Variants in SEC14L4 observed in about 807,000 individuals in gnomAD.
The protein encoded by SEC14L4 is SEC14-like protein 4.
In SEC14L4, 42 loss-of-function variants were observed where a neutral mutation model predicts 55.1. The ratio of observed to expected loss-of-function variants is 0.76; its 90% CI spans 0.60 to 0.99. SEC14L4 has a LOEUF of 0.99. Ranked by LOEUF, SEC14L4 falls within the 50% of genes least tolerant of loss-of-function variation. The pLI is 0.00. For synonymous variants in SEC14L4, 206 were observed against 206.8 expected (o/e 1.00, Z 0.03); for missense variants, 445 against 512.1 (o/e 0.87, Z 1.27).
intron 2 of SEC14L4, among the ~76,000 whole-genome samples, chr22:30,496,271 C>T (rs1936148381): frequency 6.7e-6 from 1 of 150,012 alleles, no homozygotes; most frequent in Admixed American, 6.7e-5. Context: ...CACCACCATG[C>T]CTGGCTAATT....
At chr22:30,501,709 A>T (rs1191050685) in intron 2 of SEC14L4, among the ~76,000 whole-genome samples, 1 of 152,012 alleles carries the variant, frequency 6.6e-6, no homozygotes, top group Non-Finnish European at 1.5e-5. Flanking sequence ...CATCATCATC[A>T]TAAGAAGAAG....
intron 1 of SEC14L4, 128 bp downstream of exon 1, chr22:30,505,429 AG>A: frequency 2.1e-6 from 2 of 954,210 alleles, no homozygotes; most frequent in Non-Finnish European, 3.2e-6. Flanking sequence ...GCTGGACCAG[AG>A]GGCAGAACAG....
intron 2 of SEC14L4, among the ~76,000 whole-genome samples, chr22:30,498,896 T>C (rs1040985218): frequency 6.6e-6 from 1 of 152,334 alleles, no homozygotes; most frequent in African/African-American, 2.4e-5. Context: ...GAACTATTCT[T>C]GCACACCTAA....
chr22:30,501,076 A>G (rs1936305703), intron 2 of SEC14L4, among the ~76,000 whole-genome samples: 1 of 152,094 alleles, frequency 6.6e-6, no homozygotes, highest in Non-Finnish European at 1.5e-5. Context: ...AAAACAAAGG[A>G]AAAGAACTTC....
chr22:30,492,789 A>C (rs1936007418), intron 7 of SEC14L4: 2 of 475,898 alleles, frequency 4.2e-6, no homozygotes, highest in Non-Finnish European at 7.6e-6. Flanking sequence ...GCTTTCAATA[A>C]ATGGTTGTCT....
intron 1 of SEC14L4, 112 bp downstream of exon 1, chr22:30,505,446 C>T (rs1383320241): frequency 8.8e-7 from 1 of 1,140,500 alleles, no homozygotes. Context: ...AACAGAGGCG[C>T]TCTCTCCAGG....
chr22:30,495,503 C>A, intron 4 of SEC14L4, 61 bp from the exon 5 acceptor site: 1 of 1,608,520 alleles, frequency 6.2e-7, no homozygotes, highest in South Asian at 1.1e-5. Flanking sequence ...CCTACTCCAT[C>A]AGGTGGCTGG....
At chr22:30,492,810 G>T in intron 7 of SEC14L4, 3 of 425,808 alleles carry the variant, frequency 7.0e-6, no homozygotes, top group Non-Finnish European at 1.3e-5. Context: ...CAGGCCAGGC[G>T]CAGTGGCTCA....
intron 11 of SEC14L4, 43 bp downstream of exon 11, chr22:30,491,530 G>C (rs376924335): frequency 6.2e-7 from 1 of 1,610,014 alleles, no homozygotes; most frequent in Non-Finnish European, 8.5e-7. Context: ...GCAGAGGGGA[G>C]ACTGGCAGGG....
In SEC14L4 at chr22:30,495,330, G is replaced by A. The variant is rs1255327014; in HGVS notation, c.347C>T (p.Ser116Phe). The A allele has an allele frequency of 1.1e-5, 17 of 1,614,062 alleles. No homozygotes were observed. The highest frequency in any genetic ancestry group is 1.4e-5 in the Non-Finnish European group (16 of 1,179,990). The part of the protein sequence containing the change: ...LDPKGLLLSA[S>F]KQDMIRKRIK... ...GCGCTTCCGGATCATATCCTGCTTG[G>A]AGGCTGACAGCAGGAGACCCTTGGG... The change falls in exon 5 of 12, where the codon TCC becomes TTC. Residue 116 changes from serine (S) to phenylalanine (F), a missense_variant. By Grantham distance (155) the Ser-to-Phe change is radical. Coordinates refer to ENST00000255858, the MANE Select transcript of SEC14L4 (RefSeq NM_174977.4).
Position 30,503,659 on chromosome 22 carries a change from G to A in SEC14L4, c.130+18C>T, listed in dbSNP as rs1936401742. 1 of 1,584,754 alleles carries A rather than the reference G, an allele frequency of 6.3e-7. No homozygotes were observed. Among genetic ancestry groups the A allele is most frequent in the African/African-American group, 1.3e-5 (1 of 74,316 alleles). On this transcript the variant is annotated intron_variant, in intron 2 of 11. Transcript: ENST00000255858. ...CCTTCCCTCCCTTTCTGCGTCCCCT[G>A]ACCCCTGCAAGCCTCACCTCGCAGC...
chr22:30,505,185 C>G (rs897812543), intron 1 of SEC14L4, among the ~76,000 whole-genome samples: 8 of 150,560 alleles, frequency 5.3e-5, no homozygotes, highest in Non-Finnish European at 1.0e-4. Context: ...GAACAAATCA[C>G]AAAGAGAAGC....
rs757058239 is a variant in SEC14L4, at chr22:30,490,117, G to T, written c.1211C>A (p.Pro404Gln). The change falls in exon 12 of 12, where the codon CCA becomes CAA. Residue 404 changes from proline to glutamine, a missense_variant. Physicochemically the swap from Pro to Gln is moderately conservative, Grantham distance 76. Transcript: ENST00000255858. ...LQSLKAMRPS[P>Q]TQ ...AGGTGGCTGGGGTCTTCACTGTGTT[G>T]GGGAGGGTCTCATCGCCTTGAGACT... The T allele has an allele frequency of 1.2e-6, 2 of 1,613,990 alleles. No homozygotes were observed. The highest frequency in any genetic ancestry group is 2.2e-5 in the South Asian group (2 of 91,050).
chr22:30,501,854 T>G (rs980508531), intron 2 of SEC14L4, among the ~76,000 whole-genome samples: 1 of 137,974 alleles, frequency 7.2e-6, no homozygotes, highest in African/African-American at 2.8e-5. Context: ...CACATATATA[T>G]ATATATATAT....
chr22:30,501,084 T>G (rs2146198024), intron 2 of SEC14L4, among the ~76,000 whole-genome samples: 1 of 152,092 alleles, frequency 6.6e-6, no homozygotes, highest in African/African-American at 2.4e-5. Context: ...GGAAAAGAAC[T>G]TCAGAAGGAG....
Position 30,505,596 on chromosome 22 carries a change from C to T in SEC14L4, c.16G>A (p.Gly6Arg), listed in dbSNP as rs776435869. The T allele has an allele frequency of 1.8e-5, 28 of 1,566,978 alleles. 1 individual carries two copies. The South Asian group carries it at 3.0e-4, about 17-fold the overall frequency. MSSRV[G>R]DLSPQQQEAL... ...TCCTGCTGCTGGGGGCTCAGGTCCCCGACTCGGCTGCTCATGGTGCCCGCG... is the reference window on the plus strand; with the variant it reads ...TCCTGCTGCTGGGGGCTCAGGTCCCTGACTCGGCTGCTCATGGTGCCCGCG... Residue 6 changes from glycine (G) to arginine (R), a missense_variant, in exon 1 of 12, where the codon GGG (glycine) becomes AGG (arginine). By Grantham distance (125) the Gly-to-Arg change is moderately radical. Transcript: ENST00000255858.
chr22:30,495,709 G>A (rs761748680), intron 3 of SEC14L4, 67 bp from the exon 4 acceptor site: 8 of 1,612,036 alleles, frequency 5.0e-6, no homozygotes, highest in East Asian at 2.2e-5. Flanking sequence ...AGGTCCCTCT[G>A]CCCACAGCCA....
chr22:30,496,914 G>T (rs185497084), intron 2 of SEC14L4, among the ~76,000 whole-genome samples: 4 of 152,264 alleles, frequency 2.6e-5, no homozygotes, highest in African/African-American at 9.6e-5. Flanking sequence ...GTTGCTCTCT[G>T]AGACCCCTGG....
At chr22:30,495,231 C>A in intron 5 of SEC14L4, 23 bp downstream of exon 5, 1 of 1,576,822 alleles carries the variant, frequency 6.3e-7, no homozygotes, top group South Asian at 1.2e-5. Context: ...CAGATGAGGC[C>A]CAGCCCCACC....
Sources: gnomAD v4.1 joint callset for allele counts (sites outside exome capture counted in the v4.1 genomes callset) on GRCh38, gnomAD v4.1.1 for gene constraint, MANE v1.5 for transcripts, NCBI Gene and HGNC (gene_info 2026-07-23, HGNC 2026-07-21) for gene names.